The following DOCK1 variants were observed in gnomAD, a reference collection of about 807,000 sequenced individuals.
The protein encoded by DOCK1 is dedicator of cytokinesis 1.
In DOCK1, 138 loss-of-function variants were observed where a neutral mutation model predicts 262.7. The ratio of observed to expected loss-of-function variants is 0.53; its 90% CI spans 0.46 to 0.61. The LOEUF (loss-of-function observed/expected upper bound fraction) is 0.61, where lower values mean the gene tolerates loss of function less well. DOCK1 is among the 20% of genes least tolerant of loss of function. The probability of loss-of-function intolerance (pLI) is 0.00; values close to 1 mark genes in which losing one functional copy is unlikely to be tolerated. For missense variants in DOCK1, 1,908 were observed against 2,370.7 expected (o/e 0.80, Z 4.05); for synonymous variants, 866 against 867.4 (o/e 1.00, Z 0.03).
intron 29 of DOCK1, among the ~76,000 whole-genome samples, chr10:127,269,456 A>T (rs887911921): frequency 2.0e-5 from 3 of 152,214 alleles, no homozygotes; most frequent in Admixed American, 6.5e-5. Context: ...TCTTGTGAGG[A>T]TATTTGTATA....
chr10:126,941,562 C>T (rs1355045675), intron 1 of DOCK1, among the ~76,000 whole-genome samples: 3 of 152,180 alleles, frequency 2.0e-5, no homozygotes, highest in African/African-American at 7.2e-5. Context: ...CGAGACCATC[C>T]TGGCTAACAC....
At chr10:127,261,550 C>T (rs562441137) in intron 29 of DOCK1, among the ~76,000 whole-genome samples, 1 of 78,594 alleles carries the variant, frequency 1.3e-5, no homozygotes, top group East Asian at 4.1e-4. Flanking sequence ...TGTGTGTGTA[C>T]CCGTGCTCAT....
intron 27 of DOCK1, among the ~76,000 whole-genome samples, chr10:127,204,485 C>G (rs2057621311): frequency 6.6e-6 from 1 of 152,100 alleles, no homozygotes; most frequent in South Asian, 2.1e-4. Flanking sequence ...TAGGGTTTCA[C>G]CATGTTGGCC....
At chr10:127,002,836 T>C (rs1262517299) in intron 10 of DOCK1, among the ~76,000 whole-genome samples, 1 of 152,184 alleles carries the variant, frequency 6.6e-6, no homozygotes, top group East Asian at 1.9e-4. Context: ...GGTCTCTGGT[T>C]CCTTCCCTTC....
intron 29 of DOCK1, among the ~76,000 whole-genome samples, chr10:127,318,715 TGTC>T (rs1195073449): frequency 4.6e-5 from 7 of 152,236 alleles, no homozygotes; most frequent in African/African-American, 1.7e-4. Flanking sequence ...ATGCTGGGGA[TGTC>T]GTGCTGAATA....
chr10:127,008,287 G>T (rs1425069528), intron 10 of DOCK1, among the ~76,000 whole-genome samples: 3 of 152,106 alleles, frequency 2.0e-5, no homozygotes, highest in African/African-American at 7.2e-5. Context: ...TTGTAGAGAT[G>T]GGGTTTTGTC....
intron 22 of DOCK1, among the ~76,000 whole-genome samples, chr10:127,054,057 A>G (rs2044955481): frequency 6.6e-6 from 1 of 152,168 alleles, no homozygotes; most frequent in Admixed American, 6.5e-5. Flanking sequence ...TGCCCTTGTA[A>G]CCTATTAACG....
chr10:127,136,912 G>A (rs1262089934), intron 27 of DOCK1: 2 of 152,576 alleles, frequency 1.3e-5, no homozygotes, highest in Admixed American at 6.5e-5. Context: ...TCGGAGGATC[G>A]ATCCACAAAA....
intron 29 of DOCK1, among the ~76,000 whole-genome samples, chr10:127,260,958 TGTG>T: frequency 7.8e-6 from 1 of 127,690 alleles, no homozygotes; most frequent in East Asian, 2.3e-4. Flanking sequence ...CATCTGTGTG[TGTG>T]CATGTGGGTG....
rs796480287 is a variant in DOCK1 at position 126,972,574 on chromosome 10, T to TG, written c.130+1794dup. Among the ~76,000 whole-genome samples the TG allele has an allele frequency of 3.7e-4, 56 of 152,136 alleles. 1 individual carries two copies. The highest frequency in any genetic ancestry group is 3.4e-3 in the Middle Eastern group (1 of 294). On this transcript the variant is annotated intron_variant, in intron 2 of 51. Coordinates refer to ENST00000623213, the MANE Select transcript of DOCK1 (RefSeq NM_001290223.2). ...AGCAAAACCCTTCCACATGGGAGGT[T>TG]GGGGGTGAGAGGGGAAATTGAAGAC...
chr10:127,039,830 T>C (rs772251745), intron 19 of DOCK1, among the ~76,000 whole-genome samples: 1 of 152,050 alleles, frequency 6.6e-6, no homozygotes, highest in Non-Finnish European at 1.5e-5. Flanking sequence ...TTGAGGAAGG[T>C]ATTTGTGTAT....
chr10:127,349,446 G>T (rs1468681259), intron 31 of DOCK1, among the ~76,000 whole-genome samples: 2 of 152,034 alleles, frequency 1.3e-5, no homozygotes, highest in African/African-American at 2.4e-5. Flanking sequence ...TCCTACCCCT[G>T]CACCCCAGCA....
At chr10:127,019,184 G>T (rs772667139) in intron 13 of DOCK1, among the ~76,000 whole-genome samples, 3 of 152,188 alleles carry the variant, frequency 2.0e-5, no homozygotes, top group African/African-American at 2.4e-5. Context: ...GCAAATGGCA[G>T]GGTTGGATGG....
rs188102850 is a variant in DOCK1 at position 127,086,031 on chromosome 10, A to G, written c.2446-20200A>G. 8.5e-5 allele frequency among the ~76,000 whole-genome samples: 13 copies of G among 152,246 alleles called. No homozygotes were observed. In the East Asian group the frequency reaches 1.2e-3, roughly 14 times the overall value. On this transcript the variant is annotated intron_variant, in intron 23 of 51. Coordinates refer to ENST00000623213, the MANE Select transcript of DOCK1 (RefSeq NM_001290223.2). ...ATTCAACAAATGTTTTCCAGCACCAACTGAAGGCCAGATGCTATGGGAGGT... is the reference window on the plus strand; with the variant it reads ...ATTCAACAAATGTTTTCCAGCACCAGCTGAAGGCCAGATGCTATGGGAGGT...
At chr10:126,980,195 A>G (rs1226216980) in intron 3 of DOCK1, among the ~76,000 whole-genome samples, 1 of 151,758 alleles carries the variant, frequency 6.6e-6, no homozygotes, top group Admixed American at 6.6e-5. Flanking sequence ...TTTTAAGTTA[A>G]TGTTTTATTT....
chr10:127,213,844 T>C (rs945593303), intron 27 of DOCK1, among the ~76,000 whole-genome samples: 1 of 152,164 alleles, frequency 6.6e-6, no homozygotes, highest in African/African-American at 2.4e-5. Context: ...CAGCATCATT[T>C]CATTCTTTTT....
intron 27 of DOCK1, among the ~76,000 whole-genome samples, chr10:127,161,997 G>T (rs1254008203): frequency 6.6e-6 from 1 of 152,192 alleles, no homozygotes; most frequent in Non-Finnish European, 1.5e-5. Context: ...TTCTGCTCAG[G>T]ACGTTGATGA....
At chr10:127,156,971 A>G (rs2133586451) in intron 27 of DOCK1, among the ~76,000 whole-genome samples, 1 of 152,328 alleles carries the variant, frequency 6.6e-6, no homozygotes, top group South Asian at 2.1e-4. Context: ...ATAGTTATTA[A>G]GTACATACTA....
intron 1 of DOCK1, among the ~76,000 whole-genome samples, chr10:126,918,070 C>T (rs890631600): frequency 3.3e-5 from 5 of 152,332 alleles, no homozygotes; most frequent in African/African-American, 1.2e-4. Flanking sequence ...GGCTCATTGC[C>T]TGGTCCCTGT....
Sources: gnomAD v4.1 joint callset for allele counts (sites outside exome capture counted in the v4.1 genomes callset) on GRCh38, gnomAD v4.1.1 for gene constraint, MANE v1.5 for transcripts, NCBI Gene and HGNC (gene_info 2026-07-23, HGNC 2026-07-21) for gene names.